The following ABCA5 variants were observed in gnomAD, a reference collection of about 807,000 sequenced individuals.
ABCA5 encodes the protein ATP binding cassette subfamily A member 5, also known as cholesterol transporter ABCA5.
In ABCA5, 163 loss-of-function variants were observed where a neutral mutation model predicts 206.0. The ratio of observed to expected loss-of-function variants is 0.79; its 90% CI spans 0.70 to 0.90. ABCA5 has a LOEUF of 0.90. ABCA5 is among the 40% of genes least tolerant of loss of function. ABCA5 has a pLI of 0.00. For missense variants in ABCA5, 1,859 were observed against 1,912.9 expected (o/e 0.97, Z 0.53); for synonymous variants, 609 against 613.8 (o/e 0.99, Z 0.11).
chr17:69,280,749 T>C lies in ABCA5; in HGVS notation c.2393-2907A>G, dbSNP rs1200729132. 7.3e-5 allele frequency among the ~76,000 whole-genome samples: 11 copies of C among 151,012 alleles called. No individual in the cohort carries two copies. The South Asian group carries it at 1.5e-3, about 20-fold the overall frequency. ...GTCCTTTGTAGGGACATGGATGAAA[T>C]TGGAAATCATCATTCTCAGTAAACT... On this transcript the variant is annotated intron_variant, in intron 18 of 38. Transcript: ENST00000392676.
chr17:69,258,756 C>T lies in ABCA5; in HGVS notation c.3731+950G>A, dbSNP rs184021033. ...AAATATGTAGTATTATCAAATGGAA[C>T]TTTTATGTTATTTTTTCCAGCATAT... On this transcript the variant is annotated intron_variant, in intron 28 of 38. Transcript: ENST00000392676. Among the ~76,000 whole-genome samples, 3 of 152,042 alleles carry T rather than the reference C, an allele frequency of 2.0e-5. No individual in the cohort carries two copies. The East Asian group carries it at 5.8e-4, about 29-fold the overall frequency.
At chr17:69,264,987 C>T in intron 23 of ABCA5, 82 bp from the exon 24 acceptor site, 1 of 1,007,808 alleles carries the variant, frequency 9.9e-7, no homozygotes. Flanking sequence ...TTGTAGATCT[C>T]TTAATTTTAC....
Position 69,326,222 on chromosome 17 carries a change from C to T in ABCA5, c.-16+830G>A, listed in dbSNP as rs1427190143. Among the ~76,000 whole-genome samples the T allele has an allele frequency of 6.6e-6, 1 of 152,210 alleles. No homozygotes were observed. Among genetic ancestry groups the T allele is most frequent in the Non-Finnish European group, 1.5e-5 (1 of 68,036 alleles). ...ACTGGAATAACCCCCTCCAATCCTACAGGGTTGCTGTCAGAATGAAAAGAG... is the reference window on the plus strand; with the variant it reads ...ACTGGAATAACCCCCTCCAATCCTATAGGGTTGCTGTCAGAATGAAAAGAG... On this transcript the variant is annotated intron_variant, in intron 1 of 38. Coordinates refer to ENST00000392676, the MANE Select transcript of ABCA5 (RefSeq NM_172232.4). The surrounding 1 kb of genome is among the most constrained non-coding windows in gnomAD (Gnocchi z 4.8).
Position 69,253,657 on chromosome 17 carries a change from G to A in ABCA5, c.4331C>T (p.Ala1444Val), listed in dbSNP as rs552514689. Residue 1444 changes from alanine (A) to valine (V), a missense_variant, in exon 34 of 39, where the codon GCT becomes GTT. By Grantham distance (64) the Ala-to-Val change is moderately conservative. Coordinates refer to ENST00000392676, the MANE Select transcript of ABCA5 (RefSeq NM_172232.4). ...CTGAGGATTCCCTAGCATACTTAGA[G>A]CAAAACACAACTACATGGAAAGAAA... ...PAGIKRKLCF[A>V]LSMLGNPQIT... is the part of the protein sequence containing the mutation. 318 of 1,613,360 alleles carry A rather than the reference G, an allele frequency of 2.0e-4. 2 individuals are homozygous for A. In the South Asian group the frequency reaches 3.3e-3, roughly 17 times the overall value.
chr17:69,283,912 C>G (rs2075423438), intron 18 of ABCA5, 41 bp downstream of exon 18: 1 of 1,587,098 alleles, frequency 6.3e-7, no homozygotes, highest in African/African-American at 1.4e-5. Flanking sequence ...CACCATCTGT[C>G]TGATTCATTG....
At chr17:69,286,172 G>C (rs770167568) in intron 16 of ABCA5, 49 bp downstream of exon 16, 5 of 1,560,844 alleles carry the variant, frequency 3.2e-6, no homozygotes, top group Non-Finnish European at 4.4e-6. Flanking sequence ...CATAATAACA[G>C]TATAGCAAGA....
chr17:69,253,594 G>A lies in ABCA5; in HGVS notation c.4394C>T (p.Pro1465Leu). Residue 1465 changes from proline to leucine, a missense_variant, in exon 34 of 39, where the codon CCC becomes CTC. Pro to Leu is a moderately conservative substitution (Grantham distance 98). Transcript: ENST00000392676. ...LLDEPSTGMD[P>L]KAKQHMWRAI... Reference sequence around the variant, plus strand: ...TCACCACATGTGCTGTTTGGCTTTGGGATCCATACCTGTAGATGGTTCATC... The same window carrying A: ...TCACCACATGTGCTGTTTGGCTTTGAGATCCATACCTGTAGATGGTTCATC... 6.2e-7 allele frequency: 1 copy of A among 1,613,620 alleles called. No homozygotes were observed. Among genetic ancestry groups the A allele is most frequent in the Middle Eastern group, 1.7e-4 (1 of 6,058 alleles).
chr17:69,302,660 A>C (rs1567777212), intron 8 of ABCA5, 58 bp downstream of exon 8: 1 of 1,233,620 alleles, frequency 8.1e-7, no homozygotes, highest in South Asian at 2.6e-5. Context: ...GTAGTATAAG[A>C]AGCTACATAA....
At chr17:69,323,925 GAAATTCAAATTTC>G (rs771877593) in intron 1 of ABCA5, among the ~76,000 whole-genome samples, 2 of 152,152 alleles carry the variant, frequency 1.3e-5, no homozygotes, top group Non-Finnish European at 2.9e-5. Context: ...AAAATTATAT[GAAATTCAAATTTC>G]AGTGTCTATA....
rs1360231379 is a variant in ABCA5 at position 69,246,957 on chromosome 17, CTTA to C, written c.*577_*579del. 6.6e-6 allele frequency: 1 copy of C among 151,986 alleles called. No individual in the cohort carries two copies. Among genetic ancestry groups the C allele is most frequent in the Non-Finnish European group, 1.5e-5 (1 of 67,834 alleles). The allele number at this position is 151,986 out of a possible 1,614,324, so 9.4% of individuals were successfully genotyped here. A position where few individuals can be genotyped will look rare whatever the true frequency, so the allele number is the denominator to read the frequency against. On this transcript the variant is annotated 3_prime_UTR_variant, in exon 39 of 39. Coordinates refer to ENST00000392676, the MANE Select transcript of ABCA5 (RefSeq NM_172232.4). Reference sequence around the variant, plus strand: ...TGTACTAGAACAAGGGCTCATTTCACTTATTATGATCAATGACTGCCACCTAGT... The same window carrying C: ...TGTACTAGAACAAGGGCTCATTTCACTTATGATCAATGACTGCCACCTAGT...
intron 1 of ABCA5, among the ~76,000 whole-genome samples, chr17:69,322,634 C>A (rs750167793): frequency 1.3e-5 from 2 of 151,996 alleles, no homozygotes; most frequent in African/African-American, 4.8e-5. Context: ...CTTCCCCCAC[C>A]TCCCCCGCAA....
At chr17:69,287,045 T>C (rs1327231455) in intron 15 of ABCA5, among the ~76,000 whole-genome samples, 1 of 152,224 alleles carries the variant, frequency 6.6e-6, no homozygotes, top group African/African-American at 2.4e-5. Context: ...AGTGGCTCAG[T>C]GCCTAAACTG....
At chr17:69,274,237 G>A (rs964277362) in intron 19 of ABCA5, 109 bp from the exon 20 acceptor site, 9 of 1,078,276 alleles carry the variant, frequency 8.3e-6, no homozygotes, top group Admixed American at 6.0e-5. Context: ...GTTTTTATTT[G>A]AGACAGGGTC....
chr17:69,250,411 T>A, intron 36 of ABCA5, 61 bp downstream of exon 36: 1 of 1,463,236 alleles, frequency 6.8e-7, no homozygotes, highest in Non-Finnish European at 9.2e-7. Flanking sequence ...ATCCTTAATA[T>A]AATAACTTTT....
chr17:69,323,811 G>C (rs1442294733), intron 1 of ABCA5, among the ~76,000 whole-genome samples: 1 of 152,156 alleles, frequency 6.6e-6, no homozygotes, highest in African/African-American at 2.4e-5. Context: ...TGAAAGAGGT[G>C]GGGGCTAAAT....
chr17:69,308,545 T>C (rs1339763952), intron 4 of ABCA5, among the ~76,000 whole-genome samples, 177 bp from the exon 5 acceptor site: 1 of 152,216 alleles, frequency 6.6e-6, no homozygotes, highest in South Asian at 2.1e-4. Flanking sequence ...TTCTGATCAT[T>C]TACTTGAAAT....
intron 12 of ABCA5, among the ~76,000 whole-genome samples, chr17:69,290,250 A>G (rs1456415985): frequency 6.6e-6 from 1 of 152,166 alleles, no homozygotes; most frequent in East Asian, 1.9e-4. Context: ...GTCATATAAC[A>G]TAGTGGGAAA....
At chr17:69,303,097 T>A (rs1041411881) in intron 7 of ABCA5, among the ~76,000 whole-genome samples, 191 bp from the exon 8 acceptor site, 6 of 152,186 alleles carry the variant, frequency 3.9e-5, no homozygotes, top group Admixed American at 3.9e-4. Context: ...AAATTTAAAC[T>A]AACAAATATT....
chr17:69,325,454 C>G (rs2075891310), intron 1 of ABCA5, among the ~76,000 whole-genome samples: 1 of 152,154 alleles, frequency 6.6e-6, no homozygotes, highest in African/African-American at 2.4e-5. Flanking sequence ...TCCTTAAAAG[C>G]TTGCCCTTAA....
Sources: allele counts gnomAD v4.1 joint callset (sites outside exome capture counted in the v4.1 genomes callset), GRCh38; gene constraint gnomAD v4.1.1; non-coding constraint Gnocchi (gnomAD v3.1); transcripts MANE v1.5; gene names NCBI Gene and HGNC (gene_info 2026-07-23, HGNC 2026-07-21).